Variants in MAP1S observed in about 807,000 individuals in gnomAD.
MAP1S encodes microtubule associated protein 1S.
Under a neutral mutation model 60.9 loss-of-function variants are expected in MAP1S, and 27 were observed. The observed-to-expected ratio is 0.44, with a 90% CI of 0.33 to 0.61. MAP1S has a LOEUF of 0.61. Among genes scored for constraint, MAP1S ranks in the 20% least tolerant of loss-of-function variants. MAP1S has a pLI of 0.03. For missense variants in MAP1S, 1,608 were observed against 1,486.6 expected (o/e 1.08, Z -1.34); for synonymous variants, 826 against 694.2 (o/e 1.19, Z -2.98).
At chr19:17,724,263 C>G in intron 3 of MAP1S, 55 bp downstream of exon 3, 3 of 1,389,588 alleles carry the variant, frequency 2.2e-6, no homozygotes, top group Non-Finnish European at 3.1e-6. Context: ...CGTGCCTTCT[C>G]TGTCTTCCTG....
Position 17,725,123 on chromosome 19 carries a change from G to A in MAP1S, c.378G>A (p.Gly126=). Residue 126 remains glycine, a synonymous_variant, in exon 4 of 7, where the codon GGG becomes GGA. Transcript: ENST00000324096. This position sits in a 1 kb window ranked among gnomAD's most constrained non-coding sequence, Gnocchi z 4.2. ...VLAGPCLEET[G]ELLLQTGGFS... ...CTGGGCCCTGCCTGGAGGAGACGGG[G>A]GAGCTGCTGCTACAGACAGGGGGCT... The A allele has an allele frequency of 1.2e-6, 2 of 1,614,162 alleles. No homozygotes were observed. Among genetic ancestry groups the A allele is most frequent in the African/African-American group, 1.3e-5 (1 of 75,026 alleles).
Position 17,727,864 on chromosome 19 carries a change from C to T in MAP1S, c.2480C>T (p.Pro827Leu), listed in dbSNP as rs891187978. ...CCTCGCCACGACCCTTTGCCTGACC[C>T]CCTCAAGGTCCCCCCACCACTGCCT... is the stretch of plus-strand genomic sequence containing the variant. ...GVPRHDPLPD[P>L]LKVPPPLPDP... Residue 827 changes from proline (P) to leucine (L), a missense_variant, in exon 5 of 7, where the codon CCC becomes CTC. Pro to Leu is a moderately conservative substitution (Grantham distance 98). Around this residue, in one of 4 missense-constraint regions of MAP1S, gnomAD observed 1,167 missense variants for 961.4 expected, o/e 1.21. Coordinates refer to ENST00000324096, the MANE Select transcript of MAP1S (RefSeq NM_018174.6). The surrounding 1 kb of genome is among the most constrained non-coding windows in gnomAD (Gnocchi z 4.1). 5 of 1,613,072 alleles carry T rather than the reference C, an allele frequency of 3.1e-6. No individual in the cohort carries two copies. The highest frequency in any genetic ancestry group is 4.2e-6 in the Non-Finnish European group (5 of 1,179,690).
In MAP1S at chr19:17,726,600, G is replaced by C. The variant is rs377282312; in HGVS notation, c.1216G>C (p.Glu406Gln). ...GCTGCACCCGCCCTCCGCCGGCGCC[G>C]AGCGCACGCTGGCCTCTGTGTGCGC... ...YVLHPPSAGAERTLASVCALL... is the reference protein window; with the variant it reads ...YVLHPPSAGAQRTLASVCALL... Residue 406 changes from glutamate to glutamine, a missense_variant, in exon 5 of 7, where the codon GAG becomes CAG. Around this residue, in one of 4 missense-constraint regions of MAP1S, gnomAD observed 1,167 missense variants for 961.4 expected, o/e 1.21. Transcript: ENST00000324096. 7.6e-6 allele frequency: 12 copies of C among 1,571,060 alleles called. No homozygotes were observed. The highest frequency in any genetic ancestry group is 1.0e-5 in the Non-Finnish European group (12 of 1,163,208).
In MAP1S at chr19:17,728,196, G is replaced by T. The variant is rs8110201; in HGVS notation, c.2788+24G>T. 4,798 of 1,542,182 alleles carry T rather than the reference G, an allele frequency of 3.1e-3. 120 individuals carry two copies. In the African/African-American group the frequency reaches 0.054, roughly 17 times the overall value. On this transcript the variant is annotated intron_variant, in intron 5 of 6. Coordinates refer to ENST00000324096, the MANE Select transcript of MAP1S (RefSeq NM_018174.6). ...GGGTGAGTACTGGAGCTGGGGCCCT[G>T]GGCTGGGTTAGCAGCTGCTTAGGCT... is the stretch of plus-strand genomic sequence containing the variant.
At chr19:17,723,382 A>C (rs2080388175) in intron 2 of MAP1S, among the ~76,000 whole-genome samples, 1 of 151,236 alleles carries the variant, frequency 6.6e-6, no homozygotes, top group South Asian at 2.1e-4. Flanking sequence ...CCCCGTCTCT[A>C]CTAAAAATTG....
intron 1 of MAP1S, chr19:17,720,413 T>C (rs1459105969): frequency 6.5e-7 from 1 of 1,535,248 alleles, no homozygotes; most frequent in South Asian, 1.2e-5. Flanking sequence ...ATAGACAGGT[T>C]CAGCCCTGCC....
At chr19:17,734,006 C>G (rs930973216) in intron 6 of MAP1S, among the ~76,000 whole-genome samples, 1 of 152,138 alleles carries the variant, frequency 6.6e-6, no homozygotes, top group African/African-American at 2.4e-5. Flanking sequence ...AGAGGGGTCT[C>G]AGGCCAAGGA....
At chr19:17,733,008 G>A (rs558611391) in intron 5 of MAP1S, 185 bp from the exon 6 acceptor site, 6 of 562,386 alleles carry the variant, frequency 1.1e-5, no homozygotes, top group South Asian at 4.7e-5. Flanking sequence ...GCAGCATAGC[G>A]AGACCCCATT....
chr19:17,729,672 A>AT (rs1175079760), intron 5 of MAP1S, among the ~76,000 whole-genome samples: 4 of 150,078 alleles, frequency 2.7e-5, no homozygotes, highest in African/African-American at 7.4e-5. Context: ...CGGCCAGCTA[A>AT]TTTTTTTTTG....
In MAP1S at chr19:17,724,156, A is replaced by G. The variant is rs2080396294; in HGVS notation, c.251A>G (p.Asn84Ser). 1.3e-5 allele frequency: 21 copies of G among 1,613,992 alleles called. No individual in the cohort carries two copies. The highest frequency in any genetic ancestry group is 3.3e-5 in the South Asian group (3 of 91,078). Residue 84 changes from asparagine to serine, a missense_variant, in exon 3 of 7, where the codon AAC becomes AGC. Coordinates refer to ENST00000324096, the MANE Select transcript of MAP1S (RefSeq NM_018174.6). ...GQRSLHHRGD[N>S]LETLVLLNPS... Reference sequence around the variant, plus strand: ...CGGAGCCTGCACCACCGTGGAGACAACCTGGAGACCCTGGTCCTCCTGAAC... The same window carrying G: ...CGGAGCCTGCACCACCGTGGAGACAGCCTGGAGACCCTGGTCCTCCTGAAC...
In MAP1S at chr19:17,733,293, G is replaced by A. The variant is rs1207978559; in HGVS notation, c.2889G>A (p.Val963=). The A allele has an allele frequency of 2.1e-5, 34 of 1,584,602 alleles. No individual in the cohort carries two copies. The highest frequency in any genetic ancestry group is 2.9e-5 in the Non-Finnish European group (34 of 1,166,664). The change falls in exon 6 of 7, where the codon GTG becomes GTA. Residue 963 remains valine, a synonymous_variant. Transcript: ENST00000324096. ...CCAGCGGGAGCAGCGCCCACCTGGT[G>A]GATGAGGAGTTCTTCCAGCGCGTGC... ...YLPSGSSAHL[V]DEEFFQRVRA... is the part of the protein sequence containing the mutation.
chr19:17,734,444 GC>G lies in MAP1S; in HGVS notation c.*22del. On this transcript the variant is annotated 3_prime_UTR_variant, in exon 7 of 7. Transcript: ENST00000324096. Reference sequence around the variant, plus strand: ...GGAGTTCTAGCCCCATCGCCGACACGCCCCCCACTCAGCCCAGCCCGCCTGT... The same window carrying G: ...GGAGTTCTAGCCCCATCGCCGACACGCCCCCACTCAGCCCAGCCCGCCTGT... The G allele has an allele frequency of 1.3e-6, 2 of 1,594,730 alleles. No homozygotes were observed. The highest frequency in any genetic ancestry group is 8.5e-7 in the Non-Finnish European group (1 of 1,169,694).
At chr19:17,732,615 C>A (rs905477812) in intron 5 of MAP1S, among the ~76,000 whole-genome samples, 6 of 152,212 alleles carry the variant, frequency 3.9e-5, no homozygotes, top group Non-Finnish European at 7.3e-5. Context: ...GGGATTCTGT[C>A]TGTCTTGGTC....
rs201441379 is a variant in MAP1S at position 17,734,258 on chromosome 19, C to G, written c.3025-15C>G. The stretch of plus-strand genomic sequence containing the variant: ...GGTGGTCCACTCTCCCCACACACCC[C>G]CCCTCCACCTGCAGGTGACCCTGAT... On this transcript the variant is annotated splice_polypyrimidine_tract_variant and intron_variant, in intron 6 of 6. Coordinates refer to ENST00000324096, the MANE Select transcript of MAP1S (RefSeq NM_018174.6). 1.9e-6 allele frequency: 3 copies of G among 1,606,492 alleles called. No individual in the cohort carries two copies. The highest frequency in any genetic ancestry group is 1.7e-5 in the Admixed American group (1 of 59,744).
In MAP1S at chr19:17,734,253, C is replaced by T; in HGVS notation, c.3025-20C>T. 1 of 1,603,734 alleles carries T rather than the reference C, an allele frequency of 6.2e-7. No homozygotes were observed. Among genetic ancestry groups the T allele is most frequent in the Admixed American group, 1.7e-5 (1 of 59,638 alleles). ...TCACTGGTGGTCCACTCTCCCCACA[C>T]ACCCCCCCTCCACCTGCAGGTGACC... On this transcript the variant is annotated intron_variant, in intron 6 of 6. Transcript: ENST00000324096.
rs556817254 is a variant in MAP1S, at chr19:17,724,114, A to T, written c.221-12A>T. The T allele has an allele frequency of 6.2e-7, 1 of 1,610,866 alleles. No homozygotes were observed. Among genetic ancestry groups the T allele is most frequent in the Admixed American group, 1.7e-5 (1 of 60,002 alleles). On this transcript the variant is annotated splice_polypyrimidine_tract_variant and intron_variant, in intron 2 of 6. Transcript: ENST00000324096. Reference sequence around the variant, plus strand: ...CAGGATTTGACTCCGGGACGGCCTGATTCCCCCACAGGCCAGCGGAGCCTG... The same window carrying T: ...CAGGATTTGACTCCGGGACGGCCTGTTTCCCCCACAGGCCAGCGGAGCCTG...
chr19:17,729,416 T>G (rs2080473482), intron 5 of MAP1S, among the ~76,000 whole-genome samples: 1 of 152,188 alleles, frequency 6.6e-6, no homozygotes, highest in African/African-American at 2.4e-5. Context: ...GTGGGAACCC[T>G]CTGCCTAAGA....
Position 17,726,282 on chromosome 19 carries a change from G to A in MAP1S, c.898G>A (p.Gly300Ser). ...CCACCCTGGCGCCGACAGCCTCCCC[G>A]GCCTCAACAGCCTGCTGCGGCGCAA... ...VTHPGADSLP[G>S]LNSLLRRKLA... The change falls in exon 5 of 7, where the codon GGC becomes AGC. Residue 300 changes from glycine to serine, a missense_variant. By Grantham distance (56) the Gly-to-Ser change is moderately conservative (BLOSUM62 0). Transcript: ENST00000324096. The A allele has an allele frequency of 1.2e-6, 2 of 1,606,712 alleles. No homozygotes were observed. The highest frequency in any genetic ancestry group is 2.2e-5 in the East Asian group (1 of 44,658).
intron 5 of MAP1S, among the ~76,000 whole-genome samples, chr19:17,731,059 T>G (rs987491264): frequency 6.6e-6 from 1 of 151,532 alleles, no homozygotes; most frequent in African/African-American, 2.4e-5. Flanking sequence ...ACCTGGCTAA[T>G]TTTTTTTGTG....
Sources: allele counts gnomAD v4.1 joint callset (sites outside exome capture counted in the v4.1 genomes callset), GRCh38; gene constraint gnomAD v4.1.1; regional missense constraint gnomAD v4.1.1; non-coding constraint Gnocchi (gnomAD v3.1); transcripts MANE v1.5; gene names NCBI Gene and HGNC (gene_info 2026-07-23, HGNC 2026-07-21).